Variants in SOBP observed in about 807,000 individuals in gnomAD.
SOBP encodes sine oculis binding protein homolog.
A neutral mutation model predicts 53.6 loss-of-function variants in SOBP; 4 were observed. The ratio of observed to expected loss-of-function variants is 0.07; its 90% confidence interval spans 0.04 to 0.17. The LOEUF (loss-of-function observed/expected upper bound fraction) is 0.17. SOBP is among the 10% of genes least tolerant of loss of function. The pLI is 1.00. For missense variants in SOBP, 1,088 were observed against 1,204.7 expected (o/e 0.90, Z 1.43); for synonymous variants, 584 against 522.6 (o/e 1.12, Z -1.60).
chr6:107,541,997 C>T (rs932238348), intron 4 of SOBP, among the ~76,000 whole-genome samples: 6 of 151,508 alleles, frequency 4.0e-5, no homozygotes, highest in Admixed American at 1.3e-4. Flanking sequence ...AGCCTGTATA[C>T]GGCACTAAGC....
In SOBP at chr6:107,660,405, C is replaced by G. The variant is rs1227892936; in HGVS notation, c.*2202C>G. ...AACCATGCCCATCACTGACAGCACA[C>G]AGTGCATGGGAAGTGAGTGTTTAGG... On this transcript the variant is annotated 3_prime_UTR_variant, in exon 7 of 7. Coordinates refer to ENST00000317357, the MANE Select transcript of SOBP (RefSeq NM_018013.4). Among the ~76,000 whole-genome samples, 1 of 152,194 alleles carries G rather than the reference C, an allele frequency of 6.6e-6. No homozygotes were observed. The highest frequency in any genetic ancestry group is 1.9e-4 in the East Asian group (1 of 5,196).
At chr6:107,549,198 C>T (rs1784393006) in intron 4 of SOBP, among the ~76,000 whole-genome samples, 2 of 151,846 alleles carry the variant, frequency 1.3e-5, no homozygotes, top group Non-Finnish European at 2.9e-5. Flanking sequence ...ACCCGGGAGG[C>T]GGAGCTTGCA....
At chr6:107,496,090 T>C (rs1313378752) in intron 1 of SOBP, among the ~76,000 whole-genome samples, 7 of 152,182 alleles carry the variant, frequency 4.6e-5, no homozygotes. Context: ...GAATGTATAT[T>C]TTAGGATCTG....
rs551814073 is a variant in SOBP at position 107,625,443 on chromosome 6, G to A, written c.670-8071G>A. 2.0e-5 allele frequency among the ~76,000 whole-genome samples: 3 copies of A among 152,344 alleles called. No homozygotes were observed. In the East Asian group the frequency reaches 5.8e-4, roughly 29 times the overall value. ...CTGGCAGAGCCCAAGCAATCAGTATGTAGTTGGTGAGTGGATGTGATGTCA... is the reference window on the plus strand; with the variant it reads ...CTGGCAGAGCCCAAGCAATCAGTATATAGTTGGTGAGTGGATGTGATGTCA... On this transcript the variant is annotated intron_variant, in intron 5 of 6. Transcript: ENST00000317357.
At chr6:107,654,799 A>G (rs1360712297) in intron 6 of SOBP, among the ~76,000 whole-genome samples, 1 of 145,890 alleles carries the variant, frequency 6.9e-6, no homozygotes, top group Non-Finnish European at 1.5e-5. Context: ...GCTGAGGAAC[A>G]TGGAGGAGGA....
At chr6:107,505,214 A>G (rs906848668) in intron 2 of SOBP, among the ~76,000 whole-genome samples, 1 of 152,188 alleles carries the variant, frequency 6.6e-6, no homozygotes, top group Non-Finnish European at 1.5e-5. Flanking sequence ...ACCTAGTTAC[A>G]ATGCTGGAGG....
At chr6:107,497,781 C>T (rs990210505) in intron 1 of SOBP, among the ~76,000 whole-genome samples, 2 of 152,092 alleles carry the variant, frequency 1.3e-5, no homozygotes, top group African/African-American at 4.8e-5. Context: ...TATTGTTTGG[C>T]ATTTAGTTTG....
rs1202732065 is a variant in SOBP at position 107,612,786 on chromosome 6, TCTC to T, written c.670-20725_670-20723del. On this transcript the variant is annotated intron_variant, in intron 5 of 6. Coordinates refer to ENST00000317357, the MANE Select transcript of SOBP (RefSeq NM_018013.4). ...ATCCCCAGCCCCAGATAACCTCTAA[TCTC>T]CTTCTGTCTCTATGAATTTGTCTAT... 2.0e-5 allele frequency among the ~76,000 whole-genome samples: 3 copies of T among 152,152 alleles called. No homozygotes were observed. In the East Asian group the frequency reaches 5.8e-4, roughly 29 times the overall value.
chr6:107,610,176 T>C (rs949267953), intron 5 of SOBP, among the ~76,000 whole-genome samples: 1 of 152,140 alleles, frequency 6.6e-6, no homozygotes, highest in Non-Finnish European at 1.5e-5. Flanking sequence ...TGGGAGGAGC[T>C]GCGAGTAGAA....
At chr6:107,576,989 G>A (rs371720360) in intron 4 of SOBP, among the ~76,000 whole-genome samples, 4 of 152,038 alleles carry the variant, frequency 2.6e-5, no homozygotes, top group Non-Finnish European at 4.4e-5. Flanking sequence ...ACTAATTCAC[G>A]GACACCATTT....
At chr6:107,651,543 G>A (rs1771802216) in intron 6 of SOBP, among the ~76,000 whole-genome samples, 1 of 152,232 alleles carries the variant, frequency 6.6e-6, no homozygotes, top group Non-Finnish European at 1.5e-5. Context: ...ACATCAAAGT[G>A]CAAGGTGAAG....
rs145478211 is a variant in SOBP, at chr6:107,518,786, A to G, written c.421+12359A>G. Reference sequence around the variant, plus strand: ...TTTTTCTCAAAAAGATCCTTGTCTCAAAAAATGCTAAGAATTCCTGCCTGC... The same window carrying G: ...TTTTTCTCAAAAAGATCCTTGTCTCGAAAAATGCTAAGAATTCCTGCCTGC... On this transcript the variant is annotated intron_variant, in intron 3 of 6. Coordinates refer to ENST00000317357, the MANE Select transcript of SOBP (RefSeq NM_018013.4). 1.3e-4 allele frequency among the ~76,000 whole-genome samples: 20 copies of G among 149,240 alleles called. 1 individual carries two copies. In the East Asian group the frequency reaches 3.9e-3, roughly 29 times the overall value.
At chr6:107,546,880 C>T (rs779625998) in intron 4 of SOBP, among the ~76,000 whole-genome samples, 6 of 152,006 alleles carry the variant, frequency 3.9e-5, no homozygotes, top group Non-Finnish European at 7.4e-5. Flanking sequence ...CTGAAGAGAC[C>T]CTTGAGGAAC....
intron 3 of SOBP, among the ~76,000 whole-genome samples, chr6:107,507,834 G>C (rs1358743243): frequency 1.3e-5 from 2 of 151,858 alleles, no homozygotes; most frequent in African/African-American, 4.8e-5. Context: ...TCACTTGTAT[G>C]AAAATGTAAT....
chr6:107,556,678 C>T (rs1229323561), intron 4 of SOBP, among the ~76,000 whole-genome samples: 1 of 152,226 alleles, frequency 6.6e-6, no homozygotes, highest in East Asian at 1.9e-4. Flanking sequence ...TAAGCCTTGA[C>T]TCTGTGACAG....
chr6:107,632,703 C>T (rs996720011), intron 5 of SOBP, among the ~76,000 whole-genome samples: 4 of 152,176 alleles, frequency 2.6e-5, no homozygotes, highest in Non-Finnish European at 5.9e-5. Flanking sequence ...ATTAGTTCTG[C>T]AGCCCAACTT....
In SOBP at chr6:107,634,310, C is replaced by G. The variant is rs775894129; in HGVS notation, c.1466C>G (p.Pro489Arg). ...PPPGAPLPSL[P>R]FPPVSMMPNG... ...CCGGGCGCCCCGCTGCCGAGTCTTC[C>G]CTTCCCGCCAGTGAGCATGATGCCA... The change falls in exon 6 of 7, where the codon CCC (proline) becomes CGC (arginine). Residue 489 changes from proline (P) to arginine (R), a missense_variant. Around this residue, in one of 6 missense-constraint regions of SOBP, gnomAD observed 665 missense variants for 629.7 expected, o/e 1.06. Coordinates refer to ENST00000317357, the MANE Select transcript of SOBP (RefSeq NM_018013.4). This position sits in a 1 kb window ranked among gnomAD's most constrained non-coding sequence, Gnocchi z 4.5. 6.4e-7 allele frequency: 1 copy of G among 1,574,514 alleles called. No homozygotes were observed. The highest frequency in any genetic ancestry group is 1.1e-5 in the South Asian group (1 of 88,008).
At chr6:107,618,892 T>C (rs142448708) in intron 5 of SOBP, among the ~76,000 whole-genome samples, 7 of 152,098 alleles carry the variant, frequency 4.6e-5, no homozygotes, top group Admixed American at 2.6e-4. Flanking sequence ...AGGACAGAAA[T>C]TGAGTTTGTA....
At position 107,647,098 on chromosome 6, in the gene SOBP, A is replaced by G. The variant is rs3778574; in HGVS notation, c.*4-11109A>G. On this transcript the variant is annotated intron_variant, in intron 6 of 6. Coordinates refer to ENST00000317357, the MANE Select transcript of SOBP (RefSeq NM_018013.4). ...TTGAAAACTGGCTGGGTCACTTACC[A>G]GCTGTGAGGATTTGGACAAGTTTTA... Among the ~76,000 whole-genome samples, 2,266 of 152,334 alleles carry G rather than the reference A, an allele frequency of 0.015. 91 individuals are homozygous for G. The East Asian group carries it at 0.15, about 10-fold the overall frequency.
Sources: allele counts gnomAD v4.1 joint callset (sites outside exome capture counted in the v4.1 genomes callset), GRCh38; gene constraint gnomAD v4.1.1; regional missense constraint gnomAD v4.1.1; non-coding constraint Gnocchi (gnomAD v3.1); transcripts MANE v1.5; gene names NCBI Gene and HGNC (gene_info 2026-07-23, HGNC 2026-07-21).